The following NTM variants were observed in gnomAD, a reference collection of about 807,000 sequenced individuals.
NTM encodes IgLON family member 2.
Under a neutral mutation model 42.1 loss-of-function variants are expected in NTM, and 13 were observed. The observed-to-expected ratio is 0.31, with a 90% CI of 0.20 to 0.49. The LOEUF is 0.49. Ranked by LOEUF, NTM falls within the 20% of genes least tolerant of loss-of-function variation. NTM has a pLI of 0.99. For synonymous variants in NTM, 187 were observed against 179.2 expected (o/e 1.04, Z -0.35); for missense variants, 373 against 452.8 (o/e 0.82, Z 1.60).
intron 1 of NTM, among the ~76,000 whole-genome samples, chr11:131,525,931 C>T (rs984864071): frequency 3.9e-5 from 6 of 152,146 alleles, no homozygotes; most frequent in Admixed American, 2.0e-4. Context: ...TTCTATGCTA[C>T]GTGGAGTTAC....
At position 132,335,233 on chromosome 11, in the gene NTM, CAG is replaced by C. The variant is rs1223696170; in HGVS notation, c.*89_*90del. 8.7e-6 allele frequency: 12 copies of C among 1,373,912 alleles called. No homozygotes were observed. The highest frequency in any genetic ancestry group is 9.0e-6 in the Non-Finnish European group (9 of 997,290). The allele number at this position is 1,373,912 out of a possible 1,614,324, so 85.1% of individuals were successfully genotyped here. A position where few individuals can be genotyped will look rare whatever the true frequency, so the allele number is the denominator to read the frequency against. ...AATGGCAACACCGACAGCAACCAAT[CAG>C]ATATATACAAATGAAATTAGAAGAA... On this transcript the variant is annotated 3_prime_UTR_variant, in exon 9 of 9. Coordinates refer to ENST00000683400, the MANE Select transcript of NTM (RefSeq NM_001352005.2).
At chr11:132,280,826 A>T (rs2093948971) in intron 4 of NTM, among the ~76,000 whole-genome samples, 1 of 132,474 alleles carries the variant, frequency 7.5e-6, no homozygotes, top group Non-Finnish European at 1.7e-5. Context: ...GATAGCTTTC[A>T]TTTGTTTGTG....
chr11:132,154,099 G>A (rs2072619663), intron 3 of NTM, among the ~76,000 whole-genome samples: 1 of 152,162 alleles, frequency 6.6e-6, no homozygotes, highest in South Asian at 2.1e-4. Context: ...TGGTCACAGG[G>A]CAGAGTTCCT....
At chr11:131,569,697 C>T (rs2057273139) in intron 1 of NTM, among the ~76,000 whole-genome samples, 1 of 151,544 alleles carries the variant, frequency 6.6e-6, no homozygotes, top group South Asian at 2.1e-4. Context: ...CCCTCCTCAG[C>T]CACCTGAGAG....
intron 4 of NTM, among the ~76,000 whole-genome samples, chr11:132,216,501 A>G (rs2083891979): frequency 6.6e-6 from 1 of 152,182 alleles, no homozygotes; most frequent in Non-Finnish European, 1.5e-5. Context: ...CACTGACAAT[A>G]AAAACCTCAT....
chr11:131,984,018 G>A (rs1179797325), intron 2 of NTM, among the ~76,000 whole-genome samples: 1 of 152,206 alleles, frequency 6.6e-6, no homozygotes, highest in East Asian at 1.9e-4. Context: ...TAGAGCCAAA[G>A]AAAAGGAATG....
At chr11:131,570,242 T>C (rs1357071889) in intron 1 of NTM, among the ~76,000 whole-genome samples, 2 of 152,216 alleles carry the variant, frequency 1.3e-5, no homozygotes, top group Non-Finnish European at 2.9e-5. Context: ...ATCAGCATTA[T>C]TTGTAAGGCC....
At chr11:131,750,688 A>G (rs1169492878) in intron 1 of NTM, among the ~76,000 whole-genome samples, 17 of 152,186 alleles carry the variant, frequency 1.1e-4, no homozygotes, top group Admixed American at 5.9e-4. Context: ...AACCACAGCA[A>G]TAGACTCTGA....
chr11:131,871,253 C>T (rs183661767), intron 1 of NTM, among the ~76,000 whole-genome samples: 10 of 152,344 alleles, frequency 6.6e-5, no homozygotes, highest in Admixed American at 5.2e-4. Context: ...GGTGCTCAGT[C>T]GCCCAGCCCA....
intron 1 of NTM, among the ~76,000 whole-genome samples, chr11:131,472,062 G>C (rs1339902945): frequency 6.6e-6 from 1 of 152,192 alleles, no homozygotes; most frequent in Admixed American, 6.5e-5. Flanking sequence ...TCTCTTTCCT[G>C]GCTTTCCAGT....
At chr11:131,950,896 G>A (rs1158802731) in intron 2 of NTM, among the ~76,000 whole-genome samples, 1 of 152,186 alleles carries the variant, frequency 6.6e-6, no homozygotes, top group African/African-American at 2.4e-5. Flanking sequence ...GAACTCATCA[G>A]GAACCTGTTC....
At chr11:131,592,682 ACAC>A (rs2059482149) in intron 1 of NTM, among the ~76,000 whole-genome samples, 1 of 138,432 alleles carries the variant, frequency 7.2e-6, no homozygotes. Context: ...ACACACACAC[ACAC>A]ACCATAGTTC....
intron 2 of NTM, among the ~76,000 whole-genome samples, chr11:131,945,726 G>C (rs2060268588): frequency 6.6e-6 from 1 of 152,186 alleles, no homozygotes; most frequent in South Asian, 2.1e-4. Context: ...GAACTGTGCA[G>C]TGACCTCTCG....
intron 1 of NTM, chr11:131,535,336 C>T (rs1485496738): frequency 1.3e-5 from 2 of 152,110 alleles, no homozygotes; most frequent in African/African-American, 2.4e-5. Flanking sequence ...AATAACAACT[C>T]AAATCAATAA....
chr11:131,587,918 G>A (rs1367273038), intron 1 of NTM, among the ~76,000 whole-genome samples: 1 of 152,208 alleles, frequency 6.6e-6, no homozygotes, highest in African/African-American at 2.4e-5. Context: ...TTTAGGATGA[G>A]GCTGATGAGG....
chr11:132,181,323 A>G (rs1174449874), intron 3 of NTM, among the ~76,000 whole-genome samples: 1 of 152,168 alleles, frequency 6.6e-6, no homozygotes, highest in African/African-American at 2.4e-5. Context: ...ATGCTACTCC[A>G]TCATGGCATC....
At chr11:131,867,455 G>A (rs2047336528) in intron 1 of NTM, among the ~76,000 whole-genome samples, 1 of 151,830 alleles carries the variant, frequency 6.6e-6, no homozygotes, top group Non-Finnish European at 1.5e-5. Flanking sequence ...GTGTATGTGT[G>A]TGTGTGTCTG....
intron 1 of NTM, among the ~76,000 whole-genome samples, chr11:131,541,370 G>A (rs2053222746): frequency 6.6e-6 from 1 of 152,198 alleles, no homozygotes; most frequent in Non-Finnish European, 1.5e-5. Context: ...TTTCCTGGAT[G>A]CCCTTCTTGG....
intron 2 of NTM, among the ~76,000 whole-genome samples, chr11:132,015,393 A>G (rs985838849): frequency 6.6e-6 from 1 of 151,848 alleles, no homozygotes; most frequent in African/African-American, 2.4e-5. Context: ...AAAGTTCCAT[A>G]CAAATTTTAG....
Sources: allele counts gnomAD v4.1 joint callset (sites outside exome capture counted in the v4.1 genomes callset), GRCh38; gene constraint gnomAD v4.1.1; transcripts MANE v1.5; gene names NCBI Gene and HGNC (gene_info 2026-07-23, HGNC 2026-07-21).